Variants in MNT observed in about 807,000 individuals in gnomAD.
MNT encodes the protein max-binding protein MNT.
Under a neutral mutation model 40.7 loss-of-function variants are expected in MNT, and 13 were observed. The observed-to-expected ratio is 0.32, with a 90% CI of 0.21 to 0.51. The LOEUF is 0.51. Ranked by LOEUF, MNT falls within the 20% of genes least tolerant of loss-of-function variation. The pLI, the probability that MNT is intolerant of heterozygous loss-of-function variation, is 0.98. For missense variants in MNT, 757 were observed against 792.0 expected (o/e 0.96, Z 0.53); for synonymous variants, 426 against 354.8 (o/e 1.20, Z -2.26).
intron 4 of MNT, chr17:2,389,973 T>C (rs1474241327): frequency 6.9e-6 from 1 of 145,646 alleles, no homozygotes; most frequent in Admixed American, 6.9e-5. Context: ...AGCGGGAGGG[T>C]GAAGAAAAGA....
chr17:2,394,452 A>G (rs1041361281), intron 2 of MNT, 106 bp from the exon 3 acceptor site: 7 of 1,531,142 alleles, frequency 4.6e-6, no homozygotes, highest in Non-Finnish European at 6.3e-6. Flanking sequence ...TGTCCCCAAC[A>G]CTGTCTTAAA....
At chr17:2,393,450 C>T (rs1282105981) in intron 4 of MNT, among the ~76,000 whole-genome samples, 9 of 152,228 alleles carry the variant, frequency 5.9e-5, no homozygotes, top group Non-Finnish European at 2.9e-5. Flanking sequence ...TCGGCGGCCC[C>T]GGGGCTGTTT....
At chr17:2,399,104 T>C (rs1487363946) in intron 1 of MNT, among the ~76,000 whole-genome samples, 23 of 149,242 alleles carry the variant, frequency 1.5e-4, no homozygotes, top group Admixed American at 1.5e-3. Context: ...GAAGCAACAA[T>C]AGGCAGAGAG....
chr17:2,394,917 G>A lies in MNT; in HGVS notation c.611C>T (p.Ala204Val). 5 of 1,605,434 alleles carry A rather than the reference G, an allele frequency of 3.1e-6. No individual in the cohort carries two copies. The highest frequency in any genetic ancestry group is 4.2e-6 in the Non-Finnish European group (5 of 1,176,556). Reference protein sequence around the residue: ...PTLGTLKLAPAEEVKSSEQKK... With the variant: ...PTLGTLKLAPVEEVKSSEQKK... ...CTGTTCACTGGATTTGACTTCTTCA[G>A]CTGGTGCCAACTTCAGGGTCCCCAG... The change falls in exon 2 of 6, where the codon GCT becomes GTT. Residue 204 changes from alanine to valine, a missense_variant. Transcript: ENST00000174618.
At chr17:2,393,979 C>CGGGGGAGGGGCGGCG (rs2066550572) in intron 4 of MNT, 64 bp downstream of exon 4, 4 of 1,154,172 alleles carry the variant, frequency 3.5e-6, no homozygotes, top group African/African-American at 1.7e-5. Context: ...GGGGCGCGGC[C>CGGGGGAGGGGCGGCG]GGGGGAGGGG....
chr17:2,398,431 G>A (rs1028338997), intron 1 of MNT, among the ~76,000 whole-genome samples: 1 of 152,192 alleles, frequency 6.6e-6, no homozygotes, highest in African/African-American at 2.4e-5. Flanking sequence ...CTGGTCCTAG[G>A]TCCCGGGAAA....
At position 2,394,857 on chromosome 17, in the gene MNT, C is replaced by A; in HGVS notation, c.653+18G>T. On this transcript the variant is annotated intron_variant, in intron 2 of 5. Coordinates refer to ENST00000174618, the MANE Select transcript of MNT (RefSeq NM_020310.3). ...TCTCCTATCCCCCACCAGCCCGACC[C>A]CGCCACACCCCACTCACCCCCCGGG... The A allele has an allele frequency of 6.5e-7, 1 of 1,547,530 alleles. No individual in the cohort carries two copies. Among genetic ancestry groups the A allele is most frequent in the South Asian group, 1.2e-5 (1 of 84,414 alleles).
chr17:2,393,341 A>G, intron 4 of MNT, among the ~76,000 whole-genome samples: 1 of 152,088 alleles, frequency 6.6e-6, no homozygotes, highest in Non-Finnish European at 1.5e-5. Flanking sequence ...AGAGGGAGCG[A>G]CGCCCAAAGG....
intron 4 of MNT, 53 bp from the exon 5 acceptor site, chr17:2,388,102 C>G (rs1043462874): frequency 1.4e-6 from 2 of 1,478,020 alleles, no homozygotes; most frequent in Non-Finnish European, 1.8e-6. Flanking sequence ...GCCTTGGGGC[C>G]CAAAGCCCCC....
chr17:2,397,389 C>A (rs2066585407), intron 1 of MNT, among the ~76,000 whole-genome samples: 1 of 152,158 alleles, frequency 6.6e-6, no homozygotes, highest in African/African-American at 2.4e-5. Flanking sequence ...CTAACACAGA[C>A]CCTGCCTCCA....
intron 4 of MNT, chr17:2,391,741 AC>A (rs2066516979): frequency 6.6e-6 from 1 of 152,118 alleles, no homozygotes; most frequent in African/African-American, 2.4e-5. Context: ...ACACAGCCCC[AC>A]TGGTCTCTCC....
chr17:2,388,102 C>T (rs1043462874), intron 4 of MNT, 53 bp from the exon 5 acceptor site: 1 of 1,478,020 alleles, frequency 6.8e-7, no homozygotes, highest in African/African-American at 1.4e-5. Flanking sequence ...GCCTTGGGGC[C>T]CAAAGCCCCC....
At chr17:2,399,042 C>A (rs2066596302) in intron 1 of MNT, among the ~76,000 whole-genome samples, 1 of 151,050 alleles carries the variant, frequency 6.6e-6, no homozygotes, top group African/African-American at 2.4e-5. Context: ...CGGCGGCACA[C>A]GGCGGCGCGC....
At chr17:2,389,325 GA>G (rs1391210919) in intron 4 of MNT, 3 of 151,938 alleles carry the variant, frequency 2.0e-5, no homozygotes, top group African/African-American at 7.3e-5. Context: ...GCCCAGGCTG[GA>G]GTGCAGTGGC....
In MNT at chr17:2,384,319, C is replaced by T. The variant is rs1163478707; in HGVS notation, c.*2582G>A. On this transcript the variant is annotated 3_prime_UTR_variant, in exon 6 of 6. Transcript: ENST00000174618. ...TCTGGGGTCGCTACAGTTTATATTT[C>T]AGGAAACAGAGACACAGTGGCCGAG... The T allele has an allele frequency of 6.6e-6, 1 of 151,258 alleles. No individual in the cohort carries two copies. The highest frequency in any genetic ancestry group is 1.5e-5 in the Non-Finnish European group (1 of 67,868). 9.4% of individuals were successfully genotyped at this position (151,258 alleles called of 1,614,324 possible).
rs1264364942 is a variant in MNT, at chr17:2,387,324, G to A, written c.1326C>T (p.Ala442=). 2 of 1,613,018 alleles carry A rather than the reference G, an allele frequency of 1.2e-6. No individual in the cohort carries two copies. Among genetic ancestry groups the A allele is most frequent in the Non-Finnish European group, 1.7e-6 (2 of 1,179,772 alleles). ...ATAGGGSTVI[A]HTATTHASVI... is the part of the protein sequence containing the mutation. ...CTGAAGCGTGAGTGGTGGCTGTGTG[G>A]GCGATGACCGTGGAGCCACCCCCAG... The change falls in exon 6 of 6, where the codon GCC becomes GCT. Residue 442 remains alanine, a synonymous_variant. Transcript: ENST00000174618.
At chr17:2,400,399 A>G (rs2054915402) in intron 1 of MNT, 1 of 425,654 alleles carries the variant, frequency 2.3e-6, no homozygotes, top group South Asian at 3.0e-5. Flanking sequence ...CAGGGGTGCC[A>G]CGCAGCCGGG....
Position 2,387,248 on chromosome 17 carries a change from C to A in MNT, c.1402G>T (p.Ala468Ser). 6.2e-7 allele frequency: 1 copy of A among 1,612,546 alleles called. No individual in the cohort carries two copies. The highest frequency in any genetic ancestry group is 1.1e-5 in the South Asian group (1 of 90,772). The stretch of plus-strand genomic sequence containing the variant: ...CTGGGGGCCGAGGGGGCGATGTGGG[C>A]GATGTGCTTGCCGCCTGGCCCCTGC... ...VLQGPGGKHI[A>S]HIAPSAPSPA... The change falls in exon 6 of 6, where the codon GCC becomes TCC. Residue 468 changes from alanine to serine, a missense_variant. This residue lies in a region of MNT where 345 missense variants were observed against 380.1 expected (regional missense o/e 0.91). Transcript: ENST00000174618.
intron 4 of MNT, 116 bp downstream of exon 4, chr17:2,393,927 G>GC (rs951784513): frequency 1.8e-6 from 1 of 564,778 alleles, no homozygotes; most frequent in African/African-American, 2.0e-5. Flanking sequence ...CGTGGAGGTG[G>GC]GAGGGAGGCG....
Sources: allele counts gnomAD v4.1 joint callset (sites outside exome capture counted in the v4.1 genomes callset), GRCh38; gene constraint gnomAD v4.1.1; regional missense constraint gnomAD v4.1.1; transcripts MANE v1.5; gene names NCBI Gene and HGNC (gene_info 2026-07-23, HGNC 2026-07-21).